Variants in ZFP82 observed in about 807,000 individuals in gnomAD.
ZFP82 encodes zinc finger protein 82 homolog.
In ZFP82, 30 loss-of-function variants were observed where a neutral mutation model predicts 54.0. The ratio of observed to expected loss-of-function variants is 0.56; its 90% confidence interval spans 0.42 to 0.75. The LOEUF (loss-of-function observed/expected upper bound fraction) is 0.75. Ranked by LOEUF, ZFP82 falls within the 30% of genes least tolerant of loss-of-function variation. The probability of loss-of-function intolerance (pLI) is 0.00; values close to 1 mark genes in which losing one functional copy is unlikely to be tolerated. For missense variants in ZFP82, 500 were observed against 636.8 expected (o/e 0.79, Z 2.31); for synonymous variants, 194 against 209.5 (o/e 0.93, Z 0.64).
At chr19:36,409,898 A>T (rs1479753606) in intron 1 of ZFP82, 31 bp from the exon 2 acceptor site, 1 of 1,153,338 alleles carries the variant, frequency 8.7e-7, no homozygotes, top group Non-Finnish European at 1.3e-6. Context: ...CCATGAGATC[A>T]GATGGACCTC....
rs867322288 is a variant in ZFP82 at position 36,389,408 on chromosome 19, G to A, written c.*3333C>T. 9.9e-5 allele frequency among the ~76,000 whole-genome samples: 15 copies of A among 152,056 alleles called. No homozygotes were observed. The highest frequency in any genetic ancestry group is 3.9e-4 in the Admixed American group (6 of 15,268). Reference sequence around the variant, plus strand: ...AAATATATGTAAAGATAGTAAGAACGGCACAATGAACCCTGTGTACCTAAT... The same window carrying A: ...AAATATATGTAAAGATAGTAAGAACAGCACAATGAACCCTGTGTACCTAAT... On this transcript the variant is annotated 3_prime_UTR_variant, in exon 5 of 5. Coordinates refer to ENST00000392161, the MANE Select transcript of ZFP82 (RefSeq NM_133466.4).
rs2032546790 is a variant in ZFP82 at position 36,409,820 on chromosome 19, C to T, written c.-31G>A. 1.2e-6 allele frequency: 2 copies of T among 1,613,584 alleles called. No individual in the cohort carries two copies. Among genetic ancestry groups the T allele is most frequent in the Non-Finnish European group, 1.7e-6 (2 of 1,179,796 alleles). On this transcript the variant is annotated 5_prime_UTR_variant, in exon 2 of 5. Coordinates refer to ENST00000392161, the MANE Select transcript of ZFP82 (RefSeq NM_133466.4). ...AGAAATTCAAGAACTGGTCAGTCCT[C>T]CTTGGGGTTTACTTGCCAGGAGAAG... is the stretch of plus-strand genomic sequence containing the variant.
chr19:36,403,718 T>C (rs1026103526), intron 4 of ZFP82, among the ~76,000 whole-genome samples: 5 of 151,954 alleles, frequency 3.3e-5, no homozygotes, highest in African/African-American at 1.2e-4. Context: ...TCATTCTCTC[T>C]AGAGTCTATT....
rs1312584438 is a variant in ZFP82, at chr19:36,392,713, C to CTA, written c.*26_*27dup. 6.6e-7 allele frequency: 1 copy of CTA among 1,521,802 alleles called. No homozygotes were observed. 94.3% of individuals were successfully genotyped at this position (1,521,802 alleles called of 1,614,324 possible). A position where few individuals can be genotyped will look rare whatever the true frequency, so the allele number is the denominator to read the frequency against. On this transcript the variant is annotated 3_prime_UTR_variant, in exon 5 of 5. Coordinates refer to ENST00000392161, the MANE Select transcript of ZFP82 (RefSeq NM_133466.4). ...TTAATTACTACATTCATAGAATGTT[C>CTA]TATAACACAGAAGTTGAAAAGACTT...
chr19:36,387,776 G>A (rs2032132227), downstream of ZFP82, among the ~76,000 whole-genome samples: 1 of 152,048 alleles, frequency 6.6e-6, no homozygotes, highest in African/African-American at 2.4e-5. Flanking sequence ...CACCATGCCT[G>A]GCTAATTTTG....
chr19:36,399,857 AT>A (rs1222788872), intron 4 of ZFP82, among the ~76,000 whole-genome samples: 2 of 152,224 alleles, frequency 1.3e-5, no homozygotes, highest in Non-Finnish European at 2.9e-5. Flanking sequence ...TTCTGCACTC[AT>A]ACTGCAAGTT....
At chr19:36,386,626 C>T (rs2032117931), downstream of ZFP82, among the ~76,000 whole-genome samples, 1 of 152,194 alleles carries the variant, frequency 6.6e-6, no homozygotes, top group Non-Finnish European at 1.5e-5. Flanking sequence ...AAGGAAGGGT[C>T]TTCTGGAGCC....
In ZFP82 at chr19:36,417,008, G is replaced by C. The variant is rs2032683309; in HGVS notation, c.-79+1484C>G. ...GAATCGCTTGAACCACGGAAAGGGA[G>C]GTTGCAGTGAGCTGAGATTGTGCCA... On this transcript the variant is annotated intron_variant, in intron 1 of 4. Transcript: ENST00000392161. Among the ~76,000 whole-genome samples, 3 of 110,056 alleles carry C rather than the reference G, an allele frequency of 2.7e-5. No homozygotes were observed. In the Admixed American group the frequency reaches 2.8e-4, roughly 10 times the overall value. 72.2% of individuals were successfully genotyped at this position (110,056 alleles called of 152,430 possible). A position where few individuals can be genotyped will look rare whatever the true frequency, so the allele number is the denominator to read the frequency against.
In ZFP82 at chr19:36,389,084, G is replaced by A. The variant is rs1023903213; in HGVS notation, c.*3657C>T. Among the ~76,000 whole-genome samples, 21 of 150,628 alleles carry A rather than the reference G, an allele frequency of 1.4e-4. No individual in the cohort carries two copies. In the Admixed American group the frequency reaches 1.4e-3, roughly 10 times the overall value. On this transcript the variant is annotated 3_prime_UTR_variant, in exon 5 of 5. Transcript: ENST00000392161. ...GAGATGGAGTCTCACTCTATTGCCA[G>A]GCTGGAGTGCAGTGGTGTGATCTCA... is the stretch of plus-strand genomic sequence containing the variant.
intron 2 of ZFP82, among the ~76,000 whole-genome samples, chr19:36,408,841 T>C (rs1182462004): frequency 1.3e-5 from 2 of 152,044 alleles, no homozygotes; most frequent in Non-Finnish European, 2.9e-5. Context: ...CAAAAATTGG[T>C]TATATAATAG....
downstream of ZFP82, chr19:36,383,856 A>G (rs1441830747): frequency 6.6e-6 from 1 of 152,172 alleles, no homozygotes; most frequent in Non-Finnish European, 1.5e-5. Context: ...TTATATTTTA[A>G]AAGCTTTTTT....
At chr19:36,401,253 C>T (rs921985940) in intron 4 of ZFP82, among the ~76,000 whole-genome samples, 5 of 152,120 alleles carry the variant, frequency 3.3e-5, no homozygotes, top group African/African-American at 1.2e-4. Flanking sequence ...AAACATAAAC[C>T]AGGCTGTAAT....
chr19:36,385,629 T>C (rs774428824), downstream of ZFP82, among the ~76,000 whole-genome samples: 2 of 152,102 alleles, frequency 1.3e-5, no homozygotes, highest in Non-Finnish European at 2.9e-5. Flanking sequence ...ATTACTTCAG[T>C]GGTTGTGATC....
intron 4 of ZFP82, 107 bp downstream of exon 4, chr19:36,405,473 C>A: frequency 1.3e-6 from 1 of 752,346 alleles, no homozygotes; most frequent in Non-Finnish European, 2.1e-6. Flanking sequence ...CTCCTTGGGC[C>A]ACAGACCTTT....
At chr19:36,417,467 T>C (rs2032692362) in intron 1 of ZFP82, among the ~76,000 whole-genome samples, 1 of 152,148 alleles carries the variant, frequency 6.6e-6, no homozygotes, top group South Asian at 2.1e-4. Flanking sequence ...TAAGAATGCA[T>C]TTCACAGAAG....
At position 36,394,025 on chromosome 19, in the gene ZFP82, T is replaced by G; in HGVS notation, c.315A>C (p.Glu105Asp). The G allele has an allele frequency of 6.2e-7, 1 of 1,610,680 alleles. No homozygotes were observed. The highest frequency in any genetic ancestry group is 8.5e-7 in the Non-Finnish European group (1 of 1,179,176). ...CCTTAAGGCCATGGTTTTCAATTCT[T>G]TCCATTATCTTCCACTGGGATAAAT... is the stretch of plus-strand genomic sequence containing the variant. Reference protein sequence around the residue: ...EINLSQWKIMERIENHGLKGL... With the variant: ...EINLSQWKIMDRIENHGLKGL... The change falls in exon 5 of 5, where the codon GAA becomes GAC. Residue 105 changes from glutamate (E) to aspartate (D), a missense_variant. Physicochemically the swap from Glu to Asp is conservative, Grantham distance 45. Transcript: ENST00000392161.
At chr19:36,384,423 G>A (rs1177940692), downstream of ZFP82, 1 of 152,136 alleles carries the variant, frequency 6.6e-6, no homozygotes, top group African/African-American at 2.4e-5. Flanking sequence ...AGTCCTTTTG[G>A]TTATCGCAGC....
At position 36,392,514 on chromosome 19, in the gene ZFP82, T is replaced by G; in HGVS notation, c.*227A>C. Reference sequence around the variant, plus strand: ...TCTTGTCCAGTATGACACAAAGTGATGGGATAGGGATGACGGTAAATGTCT... The same window carrying G: ...TCTTGTCCAGTATGACACAAAGTGAGGGGATAGGGATGACGGTAAATGTCT... On this transcript the variant is annotated 3_prime_UTR_variant, in exon 5 of 5. Transcript: ENST00000392161. 2.2e-6 allele frequency: 1 copy of G among 452,296 alleles called. No individual in the cohort carries two copies. Among genetic ancestry groups the G allele is most frequent in the Non-Finnish European group, 3.9e-6 (1 of 259,082 alleles). 28.0% of individuals were successfully genotyped at this position (452,296 alleles called of 1,614,324 possible).
chr19:36,415,622 G>A (rs1376933935), intron 1 of ZFP82, among the ~76,000 whole-genome samples: 2 of 152,126 alleles, frequency 1.3e-5, no homozygotes. Context: ...TCTGACCTCA[G>A]GTGATCTGCC....
Sources: gnomAD v4.1 joint callset for allele counts (sites outside exome capture counted in the v4.1 genomes callset) on GRCh38, gnomAD v4.1.1 for gene constraint, MANE v1.5 for transcripts, NCBI Gene and HGNC (gene_info 2026-07-23, HGNC 2026-07-21) for gene names.